The following ACOXL variants were observed in gnomAD, a reference collection of about 807,000 sequenced individuals.
ACOXL encodes acyl-CoA oxidase like, also known as acyl-coenzyme A oxidase-like protein.
In ACOXL, 70 loss-of-function variants were observed where a neutral mutation model predicts 71.9. The observed-to-expected ratio is 0.97, with a 90% confidence interval of 0.80 to 1.19. The LOEUF is 1.19. ACOXL is among the 50% of genes most tolerant of loss of function. The pLI is 0.00. For missense variants in ACOXL, 703 were observed against 736.3 expected (o/e 0.95, Z 0.52); for synonymous variants, 253 against 281.6 (o/e 0.90, Z 1.02).
rs202156564 is a variant in ACOXL at position 110,933,491 on chromosome 2, A to G, written c.908A>G (p.Tyr303Cys). The G allele has an allele frequency of 1.7e-5, 27 of 1,613,734 alleles. No homozygotes were observed. In the African/African-American group the frequency reaches 2.8e-4, roughly 17 times the overall value. Residue 303 changes from tyrosine to cysteine, a missense_variant and splice_region_variant, in exon 12 of 18, where the codon TAT becomes TGT. By Grantham distance (194) the Tyr-to-Cys change is radical. Transcript: ENST00000439055. ...CACATGTCTGCTTTGTCCTGCAGGT[A>G]TGCTGGGGCCCTCCTGGATGAGGAT... ...TALALTFVSR[Y>C]AGALLDEDVF...
At chr2:110,921,886 G>A (rs532791918) in intron 11 of ACOXL, among the ~76,000 whole-genome samples, 14 of 152,150 alleles carry the variant, frequency 9.2e-5, no homozygotes, top group South Asian at 2.1e-4. Context: ...TTCCACCCCC[G>A]AATTATTTAT....
At chr2:110,965,724 C>T (rs1224322646) in intron 12 of ACOXL, among the ~76,000 whole-genome samples, 3 of 152,126 alleles carry the variant, frequency 2.0e-5, no homozygotes, top group Non-Finnish European at 2.9e-5. Context: ...AGTTAAACTC[C>T]CTGGACAAAA....
At chr2:110,775,261 A>G (rs75423629) in intron 2 of ACOXL, among the ~76,000 whole-genome samples, 1,879 of 152,362 alleles carry the variant, frequency 0.012, 44 homozygotes, top group African/African-American at 0.043. Flanking sequence ...GGATTTGACA[A>G]TGATTTCTTG....
intron 10 of ACOXL, among the ~76,000 whole-genome samples, chr2:110,873,567 G>A (rs1452608670): frequency 6.6e-6 from 1 of 152,152 alleles, no homozygotes; most frequent in Admixed American, 6.5e-5. Flanking sequence ...TGGTGGGTGG[G>A]AAGGGGGCTG....
At chr2:110,940,148 C>T (rs1175230666) in intron 12 of ACOXL, among the ~76,000 whole-genome samples, 2 of 152,140 alleles carry the variant, frequency 1.3e-5, no homozygotes, top group Non-Finnish European at 2.9e-5. Flanking sequence ...GAGGTGCTCT[C>T]ATATTTTCTT....
chr2:110,759,351 TG>T (rs905281904), intron 1 of ACOXL, among the ~76,000 whole-genome samples: 29 of 152,338 alleles, frequency 1.9e-4, no homozygotes, highest in African/African-American at 6.7e-4. Flanking sequence ...TTTATGAATC[TG>T]GGTGCTCCTG....
intron 12 of ACOXL, among the ~76,000 whole-genome samples, chr2:110,943,242 GAA>G (rs1470697952): frequency 8.3e-6 from 1 of 121,170 alleles, no homozygotes; most frequent in Non-Finnish European, 1.7e-5. Context: ...GCAAGAAAGA[GAA>G]AGAAAAAGAA....
intron 14 of ACOXL, among the ~76,000 whole-genome samples, chr2:111,005,228 C>G (rs2063818005): frequency 6.6e-6 from 1 of 152,190 alleles, no homozygotes; most frequent in Non-Finnish European, 1.5e-5. Context: ...TTTTCAAAAT[C>G]TGATACAGGT....
intron 12 of ACOXL, among the ~76,000 whole-genome samples, chr2:110,938,091 C>A (rs936068046): frequency 1.3e-5 from 2 of 152,174 alleles, no homozygotes; most frequent in Non-Finnish European, 2.9e-5. Context: ...TGCAGGGGCT[C>A]AGAGTACTCA....
chr2:110,812,914 T>G (rs1687514184), intron 9 of ACOXL, among the ~76,000 whole-genome samples: 1 of 152,140 alleles, frequency 6.6e-6, no homozygotes, highest in Admixed American at 6.6e-5. Context: ...GTGTGGAGCC[T>G]CTGTGGTTAC....
At chr2:111,114,687 G>A (rs1427363957) in intron 17 of ACOXL, among the ~76,000 whole-genome samples, 1 of 152,076 alleles carries the variant, frequency 6.6e-6, no homozygotes, top group Admixed American at 6.6e-5. Flanking sequence ...CTAACACCAT[G>A]CCATGCTGGG....
chr2:110,825,849 G>A (rs975445966), intron 9 of ACOXL, among the ~76,000 whole-genome samples: 1 of 152,126 alleles, frequency 6.6e-6, no homozygotes, highest in Admixed American at 6.5e-5. Context: ...ATTTATTTGG[G>A]AGTAGCATGG....
intron 16 of ACOXL, among the ~76,000 whole-genome samples, chr2:111,090,702 C>G (rs968150062): frequency 3.3e-5 from 5 of 152,192 alleles, no homozygotes; most frequent in Non-Finnish European, 7.3e-5. Context: ...GGCCAGTTAG[C>G]AGCTTGTTGG....
intron 1 of ACOXL, among the ~76,000 whole-genome samples, chr2:110,739,359 C>G (rs1220107419): frequency 1.3e-5 from 2 of 152,200 alleles, no homozygotes; most frequent in Admixed American, 1.3e-4. Context: ...GATCCTAATC[C>G]TCCTTCCTGA....
At chr2:111,086,000 C>A (rs1467817804) in intron 16 of ACOXL, among the ~76,000 whole-genome samples, 1 of 152,030 alleles carries the variant, frequency 6.6e-6, no homozygotes, top group Non-Finnish European at 1.5e-5. Flanking sequence ...ACACATCCTC[C>A]CAAGGCTGAA....
chr2:110,886,530 C>T (rs542500222), intron 10 of ACOXL, among the ~76,000 whole-genome samples: 1 of 152,162 alleles, frequency 6.6e-6, no homozygotes, highest in South Asian at 2.1e-4. Context: ...GCATGCACCA[C>T]CACGCTTGGC....
chr2:110,826,747 CTT>C (rs1231598122), intron 9 of ACOXL, among the ~76,000 whole-genome samples: 1 of 139,978 alleles, frequency 7.1e-6, no homozygotes, highest in Non-Finnish European at 1.6e-5. Context: ...TATTTTCTCT[CTT>C]TGCTTTTTTT....
chr2:110,823,235 G>A (rs1327693843), intron 9 of ACOXL, among the ~76,000 whole-genome samples: 20 of 150,758 alleles, frequency 1.3e-4, no homozygotes, highest in Non-Finnish European at 2.2e-4. Flanking sequence ...CCTGGGTGAC[G>A]GTAAGACTCC....
chr2:110,891,220 A>C (rs1275400449), intron 10 of ACOXL, among the ~76,000 whole-genome samples: 1 of 152,210 alleles, frequency 6.6e-6, no homozygotes, highest in Non-Finnish European at 1.5e-5. Context: ...GCAAGTAGAG[A>C]TAGAGTTACT....
Sources: allele counts gnomAD v4.1 joint callset (sites outside exome capture counted in the v4.1 genomes callset), GRCh38; gene constraint gnomAD v4.1.1; transcripts MANE v1.5; gene names NCBI Gene and HGNC (gene_info 2026-07-23, HGNC 2026-07-21).